Variants in CRLS1 observed in about 807,000 individuals in gnomAD.
CRLS1 encodes cardiolipin synthase (CMP-forming).
Under a neutral mutation model 37.0 loss-of-function variants are expected in CRLS1, and 24 were observed. The observed-to-expected ratio is 0.65, with a 90% CI of 0.47 to 0.91. The LOEUF (loss-of-function observed/expected upper bound fraction) is 0.91. Among genes scored for constraint, CRLS1 ranks in the 40% least tolerant of loss-of-function variants. The pLI is 0.00. For synonymous variants in CRLS1, 135 were observed against 159.7 expected (o/e 0.85, Z 1.17); for missense variants, 373 against 395.8 (o/e 0.94, Z 0.49).
chr20:6,016,872 G>A (rs1813144395), intron 3 of CRLS1, among the ~76,000 whole-genome samples: 1 of 152,174 alleles, frequency 6.6e-6, no homozygotes, highest in South Asian at 2.1e-4. Flanking sequence ...TTCTGTAGAA[G>A]GATGGAGTGT....
chr20:6,033,099 TATTTTATTTTAATTTAATTTA>T (rs1168301752), intron 5 of CRLS1, among the ~76,000 whole-genome samples: 1 of 149,772 alleles, frequency 6.7e-6, no homozygotes, highest in Non-Finnish European at 1.5e-5. Context: ...TTTTATATTT[TATTTTATTTTAATTTAATTTA>T]ATTTTATTTT....
At chr20:6,009,989 T>C in intron 2 of CRLS1, 77 bp downstream of exon 2, 1 of 1,339,942 alleles carries the variant, frequency 7.5e-7, no homozygotes, top group Non-Finnish European at 9.9e-7. Flanking sequence ...TAGCATAGCC[T>C]TAGCCTGCTT....
At position 6,009,850 on chromosome 20, in the gene CRLS1, A is replaced by C. The variant is rs1180351252; in HGVS notation, c.382A>C (p.Ile128Leu). Residue 128 changes from isoleucine to leucine, a missense_variant, in exon 2 of 7, where the codon ATT (isoleucine) becomes CTT (leucine). Coordinates refer to ENST00000378863, the MANE Select transcript of CRLS1 (RefSeq NM_019095.6). ...IGLAPVLGYL[I>L]IEEDFNIALG... Reference sequence around the variant, plus strand: ...CTTGGCCCCAGTTCTGGGCTATTTGATTATTGAAGAAGATTTTAATATTGC... The same window carrying C: ...CTTGGCCCCAGTTCTGGGCTATTTGCTTATTGAAGAAGATTTTAATATTGC... 6.2e-7 allele frequency: 1 copy of C among 1,614,010 alleles called. No homozygotes were observed. The highest frequency in any genetic ancestry group is 1.3e-5 in the African/African-American group (1 of 74,944).
At position 6,011,480 on chromosome 20, in the gene CRLS1, T is replaced by C. The variant is rs545633465; in HGVS notation, c.444+1568T>C. 5.1e-4 allele frequency among the ~76,000 whole-genome samples: 78 copies of C among 151,570 alleles called. 1 individual carries two copies. Among genetic ancestry groups the C allele is most frequent in the African/African-American group, 1.8e-3 (76 of 41,304 alleles). On this transcript the variant is annotated intron_variant, in intron 2 of 6. Transcript: ENST00000378863. ...TTCAAACATAGCCTCCCAAATTGGC[T>C]TTACCTCTCTTTTTCCAGAGTTTAG...
intron 1 of CRLS1, among the ~76,000 whole-genome samples, chr20:6,008,682 C>T (rs2090092383): frequency 6.6e-6 from 1 of 152,232 alleles, no homozygotes; most frequent in Admixed American, 6.5e-5. Context: ...TTTCTTCTAG[C>T]AGTTCTCTGA....
rs557651807 is a variant in CRLS1 at position 6,019,649 on chromosome 20, T to G, written c.574+4159T>G. Reference sequence around the variant, plus strand: ...TTCATTACATCTTGTAGTTTTATTTTTTTTCTTCTTCAGGTTTTCTTTGCT... The same window carrying G: ...TTCATTACATCTTGTAGTTTTATTTGTTTTCTTCTTCAGGTTTTCTTTGCT... On this transcript the variant is annotated intron_variant, in intron 3 of 6. Transcript: ENST00000378863. Among the ~76,000 whole-genome samples, 12 of 151,822 alleles carry G rather than the reference T, an allele frequency of 7.9e-5. 1 individual carries two copies. In the South Asian group the frequency reaches 2.5e-3, roughly 32 times the overall value.
At chr20:6,018,260 TGATATGAAAAAATCAG>T (rs1197597830) in intron 3 of CRLS1, among the ~76,000 whole-genome samples, 1 of 150,932 alleles carries the variant, frequency 6.6e-6, no homozygotes, top group Non-Finnish European at 1.5e-5. Context: ...AACTCCATGT[TGATATGAAAAAATCAG>T]TACTGTTTCT....
chr20:6,037,888 C>T lies in CRLS1; in HGVS notation c.*730C>T. ...CAGTGAGTTACGTTCCTGCCTTCCACTGTGTTTCTGACATAGCAATGTTTG... is the reference window on the plus strand; with the variant it reads ...CAGTGAGTTACGTTCCTGCCTTCCATTGTGTTTCTGACATAGCAATGTTTG... On this transcript the variant is annotated 3_prime_UTR_variant, in exon 7 of 7. Coordinates refer to ENST00000378863, the MANE Select transcript of CRLS1 (RefSeq NM_019095.6). 1 of 152,306 alleles carries T rather than the reference C, an allele frequency of 6.6e-6. No individual in the cohort carries two copies. The highest frequency in any genetic ancestry group is 6.5e-5 in the Admixed American group (1 of 15,300). 9.4% of individuals were successfully genotyped at this position (152,306 alleles called of 1,614,324 possible).
rs1980838862 is a variant in CRLS1 at position 6,039,686 on chromosome 20, A to G, written c.*2528A>G. On this transcript the variant is annotated 3_prime_UTR_variant, in exon 7 of 7. Transcript: ENST00000378863. ...AAATAGGGTCTTTTTAGATGCAGTC[A>G]AGATAGAATTAGATCATACTGGATT... 6.6e-6 allele frequency: 1 copy of G among 152,030 alleles called. No individual in the cohort carries two copies. Among genetic ancestry groups the G allele is most frequent in the Non-Finnish European group, 1.5e-5 (1 of 68,010 alleles). 9.4% of individuals were successfully genotyped at this position (152,030 alleles called of 1,614,324 possible). A position where few individuals can be genotyped will look rare whatever the true frequency, so the allele number is the denominator to read the frequency against.
At chr20:6,018,957 A>G (rs1434680029) in intron 3 of CRLS1, among the ~76,000 whole-genome samples, 1 of 152,222 alleles carries the variant, frequency 6.6e-6, no homozygotes, top group East Asian at 1.9e-4. Context: ...TATTTTGTGG[A>G]AGATTTCAAA....
chr20:6,008,217 A>G (rs1332359124), intron 1 of CRLS1, among the ~76,000 whole-genome samples: 1 of 152,000 alleles, frequency 6.6e-6, no homozygotes, highest in African/African-American at 2.4e-5. Flanking sequence ...AGATTCAGGC[A>G]AGTTGGCTAG....
chr20:6,009,945 C>T (rs1163413095), intron 2 of CRLS1, 33 bp downstream of exon 2: 1 of 1,605,374 alleles, frequency 6.2e-7, no homozygotes, highest in Non-Finnish European at 8.5e-7. Flanking sequence ...GTTTGCTCTC[C>T]TTCCAAATCC....
chr20:6,036,988 A>G, intron 6 of CRLS1, 86 bp from the exon 7 acceptor site: 1 of 907,618 alleles, frequency 1.1e-6, no homozygotes, highest in South Asian at 1.6e-5. Context: ...TACATTTTAA[A>G]TTCATTGCAT....
chr20:6,017,153 A>T (rs1424539621), intron 3 of CRLS1, among the ~76,000 whole-genome samples: 1 of 151,900 alleles, frequency 6.6e-6, no homozygotes, highest in Non-Finnish European at 1.5e-5. Context: ...CGCCTGGCTA[A>T]TATTTGTACT....
intron 3 of CRLS1, chr20:6,026,143 G>C (rs905897386): frequency 6.6e-6 from 1 of 152,202 alleles, no homozygotes. Context: ...AATTTATGTG[G>C]CAAACTTGAT....
chr20:6,007,062 A>G (rs548700830), intron 1 of CRLS1, among the ~76,000 whole-genome samples: 1 of 152,364 alleles, frequency 6.6e-6, no homozygotes, highest in Admixed American at 6.5e-5. Flanking sequence ...CTTTAATTAT[A>G]GAAAAAGATT....
intron 2 of CRLS1, among the ~76,000 whole-genome samples, chr20:6,010,488 C>A (rs1030843797): frequency 1.3e-5 from 2 of 152,200 alleles, no homozygotes; most frequent in African/African-American, 4.8e-5. Context: ...GCAGAATACT[C>A]TGCTCTGGGC....
At position 6,020,684 on chromosome 20, in the gene CRLS1, G is replaced by T. The variant is rs181815744; in HGVS notation, c.574+5194G>T. 1.1e-4 allele frequency among the ~76,000 whole-genome samples: 16 copies of T among 150,644 alleles called. No individual in the cohort carries two copies. The East Asian group carries it at 3.1e-3, about 30-fold the overall frequency. ...GTCGCCCAGGCTGGAGTGCAGTGGCGCAATCTTGGCTCACTGCAAGCTCTG... is the reference window on the plus strand; with the variant it reads ...GTCGCCCAGGCTGGAGTGCAGTGGCTCAATCTTGGCTCACTGCAAGCTCTG... On this transcript the variant is annotated intron_variant, in intron 3 of 6. Coordinates refer to ENST00000378863, the MANE Select transcript of CRLS1 (RefSeq NM_019095.6).
intron 3 of CRLS1, among the ~76,000 whole-genome samples, chr20:6,030,079 G>A (rs1980030555): frequency 6.6e-6 from 1 of 150,920 alleles, no homozygotes; most frequent in Non-Finnish European, 1.5e-5. Context: ...TTATTTATTT[G>A]AAATAGTTTG....
Sources: allele counts gnomAD v4.1 joint callset (sites outside exome capture counted in the v4.1 genomes callset), GRCh38; gene constraint gnomAD v4.1.1; transcripts MANE v1.5; gene names NCBI Gene and HGNC (gene_info 2026-07-23, HGNC 2026-07-21).